The following CHST11 variants were observed in gnomAD, a reference collection of about 807,000 sequenced individuals.
CHST11 encodes C4S-1.
A neutral mutation model predicts 30.4 loss-of-function variants in CHST11; 9 were observed. That is an observed-to-expected ratio of 0.30 (90% CI 0.18 to 0.52). CHST11 has a LOEUF of 0.52. Among genes scored for constraint, CHST11 ranks in the 20% least tolerant of loss-of-function variants. The pLI, the probability that CHST11 is intolerant of heterozygous loss-of-function variation, is 0.97. For synonymous variants in CHST11, 152 were observed against 187.8 expected (o/e 0.81, Z 1.56); for missense variants, 348 against 460.6 (o/e 0.76, Z 2.24).
At chr12:104,709,451 A>C (rs2040065807) in intron 2 of CHST11, among the ~76,000 whole-genome samples, 1 of 152,180 alleles carries the variant, frequency 6.6e-6, no homozygotes, top group Non-Finnish European at 1.5e-5. Flanking sequence ...AGTGATGCCC[A>C]CCATTGCAAA....
At chr12:104,489,329 G>A (rs1002601829) in intron 1 of CHST11, among the ~76,000 whole-genome samples, 12 of 152,206 alleles carry the variant, frequency 7.9e-5, no homozygotes, top group African/African-American at 2.4e-4. Context: ...GAGCCACTGC[G>A]CCTGGCCCTA....
intron 2 of CHST11, among the ~76,000 whole-genome samples, chr12:104,645,804 G>T (rs1189387750): frequency 1.3e-5 from 2 of 152,206 alleles, no homozygotes; most frequent in Non-Finnish European, 2.9e-5. Context: ...CAAATAAGAT[G>T]AGTTGACAGA....
intron 2 of CHST11, among the ~76,000 whole-genome samples, chr12:104,628,515 G>A (rs2039240742): frequency 6.6e-6 from 1 of 152,230 alleles, no homozygotes; most frequent in South Asian, 2.1e-4. Flanking sequence ...GATGCTCAGT[G>A]AAATGTGTTT....
Position 104,739,731 on chromosome 12 carries a change from T to G in CHST11, c.205-17218T>G, listed in dbSNP as rs2040330994. On this transcript the variant is annotated intron_variant, in intron 2 of 2. Transcript: ENST00000303694. Reference sequence around the variant, plus strand: ...GTGACACAGTAAGTTCTTTGCAGACTTCATCCCTTTAAACCTCATAAGAGC... The same window carrying G: ...GTGACACAGTAAGTTCTTTGCAGACGTCATCCCTTTAAACCTCATAAGAGC... Among the ~76,000 whole-genome samples, 2 of 152,264 alleles carry G rather than the reference T, an allele frequency of 1.3e-5. 1 individual carries two copies.
chr12:104,526,694 T>C (rs1270659720), intron 1 of CHST11, among the ~76,000 whole-genome samples: 1 of 152,178 alleles, frequency 6.6e-6, no homozygotes, highest in Non-Finnish European at 1.5e-5. Context: ...AAGTCTTGTT[T>C]TTATTTGTGC....
intron 2 of CHST11, among the ~76,000 whole-genome samples, chr12:104,731,694 G>C (rs1244187656): frequency 1.3e-5 from 2 of 152,256 alleles, no homozygotes; most frequent in African/African-American, 4.8e-5. Context: ...CCACCTCTCA[G>C]GGTTGAAAGG....
At chr12:104,745,018 T>C (rs1255430695) in intron 2 of CHST11, among the ~76,000 whole-genome samples, 1 of 151,982 alleles carries the variant, frequency 6.6e-6, no homozygotes, top group Admixed American at 6.6e-5. Context: ...GGATTACAGG[T>C]GCCCACCATC....
At chr12:104,631,275 G>T (rs935952017) in intron 2 of CHST11, among the ~76,000 whole-genome samples, 1 of 152,302 alleles carries the variant, frequency 6.6e-6, no homozygotes, top group South Asian at 2.1e-4. Context: ...GTCACCCGGG[G>T]CAAGTCATTC....
intron 1 of CHST11, among the ~76,000 whole-genome samples, chr12:104,519,105 T>TGTGTGTGTGTG (rs1565972437): frequency 1.1e-4 from 17 of 151,262 alleles, no homozygotes; most frequent in Non-Finnish European, 2.1e-4. Flanking sequence ...TGTGTGTGTG[T>TGTGTGTGTGTG]TTCTTTCTCC....
At chr12:104,596,445 G>A (rs2038907672) in intron 1 of CHST11, among the ~76,000 whole-genome samples, 1 of 152,148 alleles carries the variant, frequency 6.6e-6, no homozygotes, top group African/African-American at 2.4e-5. Flanking sequence ...GCTTCATTTC[G>A]AAATGTTGAG....
intron 2 of CHST11, among the ~76,000 whole-genome samples, chr12:104,665,883 G>A (rs562977638): frequency 1.3e-3 from 172 of 134,964 alleles, no homozygotes; most frequent in Middle Eastern, 8.0e-3. Context: ...GCAGTGGCGC[G>A]ATCTCGGCTC....
chr12:104,570,183 G>A (rs982709144), intron 1 of CHST11, among the ~76,000 whole-genome samples: 1 of 152,062 alleles, frequency 6.6e-6, no homozygotes, highest in Non-Finnish European at 1.5e-5. Flanking sequence ...CTCCTAAAGG[G>A]TTCTGTTTCA....
chr12:104,740,080 A>G lies in CHST11; in HGVS notation c.205-16869A>G, dbSNP rs556965619. ...ATTGTATCCTGAAATCAATGTATTT[A>G]GTTTCTACCACTTAGTTTTAGTAGG... On this transcript the variant is annotated intron_variant, in intron 2 of 2. Coordinates refer to ENST00000303694, the MANE Select transcript of CHST11 (RefSeq NM_018413.6). 2.6e-5 allele frequency among the ~76,000 whole-genome samples: 4 copies of G among 152,362 alleles called. No individual in the cohort carries two copies. In the South Asian group the frequency reaches 8.3e-4, roughly 32 times the overall value.
At chr12:104,669,976 A>G (rs2039674952) in intron 2 of CHST11, among the ~76,000 whole-genome samples, 1 of 152,274 alleles carries the variant, frequency 6.6e-6, no homozygotes, top group Admixed American at 6.5e-5. Flanking sequence ...GAAATTGCTC[A>G]ACTCAACAAA....
intron 2 of CHST11, among the ~76,000 whole-genome samples, chr12:104,639,234 A>G (rs1040672003): frequency 1.3e-5 from 2 of 152,258 alleles, no homozygotes; most frequent in African/African-American, 4.8e-5. Flanking sequence ...AGTTTGAAGT[A>G]TAATAAGACA....
intron 2 of CHST11, among the ~76,000 whole-genome samples, chr12:104,638,311 GATGT>G (rs1299968536): frequency 7.2e-6 from 1 of 138,480 alleles, no homozygotes; most frequent in Admixed American, 7.0e-5. Flanking sequence ...TGTGTGAACA[GATGT>G]GTGTGTGTGT....
chr12:104,545,280 C>T (rs2136004962), intron 1 of CHST11, among the ~76,000 whole-genome samples: 1 of 152,360 alleles, frequency 6.6e-6, no homozygotes, highest in Middle Eastern at 3.4e-3. Context: ...CAGGGCCCAG[C>T]CCCATGAGCT....
chr12:104,650,567 G>A (rs961720921), intron 2 of CHST11, among the ~76,000 whole-genome samples: 6 of 152,030 alleles, frequency 3.9e-5, no homozygotes, highest in Non-Finnish European at 7.4e-5. Context: ...CTTTGGAGAC[G>A]CGGGCACAGT....
intron 2 of CHST11, among the ~76,000 whole-genome samples, chr12:104,641,121 C>T (rs1314751802): frequency 1.3e-5 from 2 of 152,160 alleles, no homozygotes; most frequent in Non-Finnish European, 2.9e-5. Flanking sequence ...AAATTACCTT[C>T]CCACTCCTTC....
Sources: allele counts gnomAD v4.1 joint callset (sites outside exome capture counted in the v4.1 genomes callset), GRCh38; gene constraint gnomAD v4.1.1; transcripts MANE v1.5; gene names NCBI Gene and HGNC (gene_info 2026-07-23, HGNC 2026-07-21).